Variants in WDR43 observed in about 807,000 individuals in gnomAD.
The protein encoded by WDR43 is WD repeat domain 43, also known as WD repeat-containing protein 43.
Under a neutral mutation model 91.4 loss-of-function variants are expected in WDR43, and 13 were observed. The ratio of observed to expected loss-of-function variants is 0.14; its 90% CI spans 0.09 to 0.23. The LOEUF is 0.23. Ranked by LOEUF, WDR43 falls within the 10% of genes least tolerant of loss-of-function variation. WDR43 has a pLI of 1.00. For synonymous variants in WDR43, 331 were observed against 287.9 expected (o/e 1.15, Z -1.51); for missense variants, 780 against 809.4 (o/e 0.96, Z 0.44).
intron 11 of WDR43, 102 bp from the exon 12 acceptor site, chr2:28,935,419 C>A: frequency 1.3e-6 from 1 of 767,680 alleles, no homozygotes; most frequent in Non-Finnish European, 2.1e-6. Flanking sequence ...TTGCCTTGGT[C>A]TTAAATGATT....
At chr2:28,938,913 T>A (rs1671384741) in intron 14 of WDR43, among the ~76,000 whole-genome samples, 1 of 149,926 alleles carries the variant, frequency 6.7e-6, no homozygotes, top group Non-Finnish European at 1.5e-5. Context: ...ATGAGAGGCG[T>A]TTTGGGAGGT....
chr2:28,921,176 G>A (rs1021010340), intron 6 of WDR43, among the ~76,000 whole-genome samples: 2 of 150,504 alleles, frequency 1.3e-5, no homozygotes, highest in East Asian at 2.0e-4. Flanking sequence ...TCGCCAGGCT[G>A]GAGTGCAGTG....
At chr2:28,919,190 C>T (rs1471588189) in intron 6 of WDR43, among the ~76,000 whole-genome samples, 3 of 151,932 alleles carry the variant, frequency 2.0e-5, no homozygotes, top group Non-Finnish European at 2.9e-5. Context: ...CCTGGGAGGT[C>T]GAAGCTGTAG....
At position 28,927,684 on chromosome 2, in the gene WDR43, A is replaced by G; in HGVS notation, c.1289A>G (p.Lys430Arg). 1 of 1,613,930 alleles carries G rather than the reference A, an allele frequency of 6.2e-7. No homozygotes were observed. Among genetic ancestry groups the G allele is most frequent in the Non-Finnish European group, 8.5e-7 (1 of 1,179,832 alleles). Reference protein sequence around the residue: ...PQTEQVESKRKSGGNEVSIEE... With the variant: ...PQTEQVESKRRSGGNEVSIEE... ...ACCGAGCAAGTAGAGAGCAAGAGGA[A>G]GTCAGGGGGAAATGAGGTAATGCAA... The change falls in exon 10 of 18, where the codon AAG becomes AGG. Residue 430 changes from lysine to arginine, a missense_variant. Physicochemically the swap from Lys to Arg is conservative, Grantham distance 26. This residue lies in a region of WDR43 where 426 missense variants were observed against 467.8 expected (regional missense o/e 0.91). Transcript: ENST00000407426.
rs547027220 is a variant in WDR43 at position 28,912,482 on chromosome 2, T to C, written c.486-108T>C. ...TAGGGAATGTAATTGTCACAGGACCTGAGGCGATATTTTTAATGATTGTTC... is the reference window on the plus strand; with the variant it reads ...TAGGGAATGTAATTGTCACAGGACCCGAGGCGATATTTTTAATGATTGTTC... On this transcript the variant is annotated intron_variant, in intron 3 of 17. Transcript: ENST00000407426. 2.6e-5 allele frequency: 36 copies of C among 1,370,114 alleles called. No individual in the cohort carries two copies. The South Asian group carries it at 4.6e-4, about 17-fold the overall frequency. 84.9% of individuals were successfully genotyped at this position (1,370,114 alleles called of 1,614,324 possible).
intron 11 of WDR43, among the ~76,000 whole-genome samples, chr2:28,934,320 G>A (rs927542653): frequency 9.2e-5 from 14 of 152,204 alleles, no homozygotes; most frequent in African/African-American, 3.1e-4. Context: ...ACCCGAGGGT[G>A]ATACAGTGTT....
chr2:28,903,945 C>T (rs1254272914), intron 2 of WDR43, among the ~76,000 whole-genome samples: 6 of 152,244 alleles, frequency 3.9e-5, no homozygotes, highest in Middle Eastern at 3.4e-3. Context: ...GCTGGGATTA[C>T]AGACGTGCAC....
intron 14 of WDR43, among the ~76,000 whole-genome samples, chr2:28,941,099 C>G: frequency 6.6e-6 from 1 of 152,112 alleles, no homozygotes; most frequent in Non-Finnish European, 1.5e-5. Flanking sequence ...AGAGGAAAGC[C>G]TCTTTAGCCT....
intron 11 of WDR43, among the ~76,000 whole-genome samples, chr2:28,932,465 G>A (rs1285618239): frequency 6.6e-6 from 1 of 152,098 alleles, no homozygotes; most frequent in Admixed American, 6.5e-5. Flanking sequence ...TCCCAGCCAA[G>A]TAAACCCTTT....
chr2:28,931,874 CTTTT>C (rs11352086), intron 11 of WDR43, among the ~76,000 whole-genome samples: 8 of 128,392 alleles, frequency 6.2e-5, no homozygotes, highest in Non-Finnish European at 4.9e-5. Flanking sequence ...TCCCCCCGCC[CTTTT>C]TTTTTTTTTT....
chr2:28,916,345 G>T (rs1471065692), intron 5 of WDR43, among the ~76,000 whole-genome samples: 1 of 151,944 alleles, frequency 6.6e-6, no homozygotes, highest in Non-Finnish European at 1.5e-5. Context: ...TTTTTTTCAA[G>T]ATGGTTGTAG....
intron 5 of WDR43, 31 bp downstream of exon 5, chr2:28,914,239 C>CAG (rs1558373457): frequency 2.5e-6 from 4 of 1,594,588 alleles, no homozygotes; most frequent in Non-Finnish European, 3.4e-6. Flanking sequence ...TGGGAGGTAG[C>CAG]ATTGAAAGAA....
rs143495946 is a variant in WDR43, at chr2:28,947,681, T to G, written c.*902T>G. On this transcript the variant is annotated 3_prime_UTR_variant, in exon 18 of 18. Coordinates refer to ENST00000407426, the MANE Select transcript of WDR43 (RefSeq NM_015131.3). The stretch of plus-strand genomic sequence containing the variant: ...TATTAATGATAACCTTGTTGGAATT[T>G]TTTTTCCAAAGAAAATATTTTTATA... 4.1e-4 allele frequency: 63 copies of G among 152,070 alleles called. 1 individual carries two copies. The East Asian group carries it at 0.011, about 27-fold the overall frequency. The allele number at this position is 152,070 out of a possible 1,614,324, so 9.4% of individuals were successfully genotyped here. A position where few individuals can be genotyped will look rare whatever the true frequency, so the allele number is the denominator to read the frequency against.
chr2:28,910,064 A>C (rs1191718350), intron 3 of WDR43, among the ~76,000 whole-genome samples: 1 of 152,184 alleles, frequency 6.6e-6, no homozygotes, highest in Non-Finnish European at 1.5e-5. Context: ...CATACATCTT[A>C]ACTTGTGCAT....
intron 10 of WDR43, chr2:28,927,931 ATTAG>A (rs1451548940): frequency 2.8e-5 from 14 of 499,944 alleles, no homozygotes; most frequent in South Asian, 5.6e-5. Flanking sequence ...TGTTTTGGCC[ATTAG>A]TTAGTAGTTA....
intron 16 of WDR43, among the ~76,000 whole-genome samples, chr2:28,942,766 C>A (rs1450681580): frequency 1.3e-5 from 2 of 151,886 alleles, no homozygotes; most frequent in Non-Finnish European, 2.9e-5. Flanking sequence ...CAGGCGTGCA[C>A]CACCATGCCC....
intron 16 of WDR43, 108 bp from the exon 17 acceptor site, chr2:28,946,342 T>C (rs1376385928): frequency 8.9e-7 from 1 of 1,126,380 alleles, no homozygotes; most frequent in Non-Finnish European, 1.2e-6. Flanking sequence ...TTGCTAAATA[T>C]AAATAATATT....
rs141858639 is a variant in WDR43, at chr2:28,905,263, T to G, written c.364-1197T>G. On this transcript the variant is annotated intron_variant, in intron 2 of 17. Coordinates refer to ENST00000407426, the MANE Select transcript of WDR43 (RefSeq NM_015131.3). Reference sequence around the variant, plus strand: ...CTTCAGGTAGAAAGAATGAAATGCTTGCAGTGTGGGTGATTTAGCACCTCA... The same window carrying G: ...CTTCAGGTAGAAAGAATGAAATGCTGGCAGTGTGGGTGATTTAGCACCTCA... Among the ~76,000 whole-genome samples the G allele has an allele frequency of 5.8e-4, 89 of 152,292 alleles. 2 individuals carry two copies. The highest frequency in any genetic ancestry group is 2.1e-3 in the African/African-American group (86 of 41,560).
chr2:28,899,196 C>T (rs1179461295), intron 1 of WDR43, among the ~76,000 whole-genome samples: 1 of 152,210 alleles, frequency 6.6e-6, no homozygotes, highest in East Asian at 1.9e-4. Context: ...TTTAGCCTAC[C>T]TTTTTATTAC....
Sources: allele counts gnomAD v4.1 joint callset (sites outside exome capture counted in the v4.1 genomes callset), GRCh38; gene constraint gnomAD v4.1.1; regional missense constraint gnomAD v4.1.1; transcripts MANE v1.5; gene names NCBI Gene and HGNC (gene_info 2026-07-23, HGNC 2026-07-21).